CNOT10: variants seen among roughly 807,000 people sequenced by gnomAD.
The protein encoded by CNOT10 is CCR4-NOT transcription complex subunit 10.
A neutral mutation model predicts 94.6 loss-of-function variants in CNOT10; 30 were observed. That is an observed-to-expected ratio of 0.32 (90% CI 0.24 to 0.43). The LOEUF is 0.43. Ranked by LOEUF, CNOT10 falls within the 20% of genes least tolerant of loss-of-function variation. The probability of loss-of-function intolerance (pLI) is 1.00; values close to 1 mark genes in which losing one functional copy is unlikely to be tolerated. For missense variants in CNOT10, 759 were observed against 877.2 expected (o/e 0.87, Z 1.70); for synonymous variants, 289 against 301.6 (o/e 0.96, Z 0.43).
intron 1 of CNOT10, among the ~76,000 whole-genome samples, chr3:32,687,904 G>A (rs1028395993): frequency 2.6e-5 from 4 of 152,078 alleles, no homozygotes; most frequent in East Asian, 3.9e-4. Flanking sequence ...TCTCTTCTCC[G>A]TCTGGTGAAC....
chr3:32,718,837 A>C (rs548432185), intron 7 of CNOT10, among the ~76,000 whole-genome samples: 6 of 152,238 alleles, frequency 3.9e-5, no homozygotes, highest in African/African-American at 1.2e-4. Flanking sequence ...TAAATAGGCC[A>C]GGCGTGATGG....
At chr3:32,716,333 G>A (rs758457690) in intron 6 of CNOT10, 22 bp downstream of exon 6, 2 of 1,161,546 alleles carry the variant, frequency 1.7e-6, no homozygotes, top group African/African-American at 1.5e-5. Flanking sequence ...TTTAAAGGGG[G>A]GCAATACATC....
chr3:32,742,754 TTCACTCTTTC>T (rs1184433378), intron 13 of CNOT10, among the ~76,000 whole-genome samples: 11 of 152,208 alleles, frequency 7.2e-5, no homozygotes, highest in Non-Finnish European at 1.5e-4. Context: ...AAACCTTTGT[TTCACTCTTTC>T]TCATGGGTGC....
rs1701004557 is a variant in CNOT10, at chr3:32,773,612, T to C, written c.*1T>C. ...TTTCACCACTGTGCAGAGAAAGTGATACTTCACTTTTGGAAAACTGTTACC... is the reference window on the plus strand; with the variant it reads ...TTTCACCACTGTGCAGAGAAAGTGACACTTCACTTTTGGAAAACTGTTACC... On this transcript the variant is annotated 3_prime_UTR_variant, in exon 19 of 19. Transcript: ENST00000328834. The C allele has an allele frequency of 6.2e-7, 1 of 1,602,626 alleles. No homozygotes were observed. Among genetic ancestry groups the C allele is most frequent in the Non-Finnish European group, 8.5e-7 (1 of 1,175,236 alleles).
At chr3:32,702,505 T>C (rs1269536593) in intron 1 of CNOT10, among the ~76,000 whole-genome samples, 2 of 152,244 alleles carry the variant, frequency 1.3e-5, no homozygotes, top group Non-Finnish European at 2.9e-5. Flanking sequence ...TATGGACACT[T>C]AACATATTAA....
At chr3:32,695,806 G>A in intron 1 of CNOT10, 1 of 1,535,802 alleles carries the variant, frequency 6.5e-7, no homozygotes, top group South Asian at 1.2e-5. Flanking sequence ...AATGCTGTGG[G>A]ATTATGTGCA....
rs902237388 is a variant in CNOT10 at position 32,716,236 on chromosome 3, C to T, written c.585C>T (p.Asn195=). 6 of 1,583,072 alleles carry T rather than the reference C, an allele frequency of 3.8e-6. No individual in the cohort carries two copies. The highest frequency in any genetic ancestry group is 1.4e-5 in the African/African-American group (1 of 73,602). ...TCATCACCCTACAGACTGGTAATAA[C>T]AACAACAAAGATGGATCTAATCATA... ...NKNGKNETGN[N]NNKDGSNHKA... The change falls in exon 6 of 19, where the codon AAC becomes AAT. Residue 195 remains asparagine, a synonymous_variant. Coordinates refer to ENST00000328834, the MANE Select transcript of CNOT10 (RefSeq NM_015442.3).
At chr3:32,706,733 C>T (rs995111235) in intron 3 of CNOT10, among the ~76,000 whole-genome samples, 1 of 152,232 alleles carries the variant, frequency 6.6e-6, no homozygotes, top group Non-Finnish European at 1.5e-5. Context: ...CTTCTTAACT[C>T]AGTCTCTCTC....
At chr3:32,688,390 G>A (rs1052757463) in intron 1 of CNOT10, among the ~76,000 whole-genome samples, 1 of 152,026 alleles carries the variant, frequency 6.6e-6, no homozygotes, top group Non-Finnish European at 1.5e-5. Flanking sequence ...CCTGAGGTCA[G>A]GAGTTCAAAA....
intron 13 of CNOT10, among the ~76,000 whole-genome samples, chr3:32,738,404 A>C (rs1266990722): frequency 6.6e-6 from 1 of 152,098 alleles, no homozygotes; most frequent in Non-Finnish European, 1.5e-5. Context: ...TTTTCTTTGC[A>C]GGAAGATTTT....
chr3:32,706,347 A>G (rs1371268209), intron 3 of CNOT10, among the ~76,000 whole-genome samples: 1 of 152,156 alleles, frequency 6.6e-6, no homozygotes, highest in Non-Finnish European at 1.5e-5. Context: ...TGAATAAGCA[A>G]TTCCTGCAAA....
intron 10 of CNOT10, among the ~76,000 whole-genome samples, chr3:32,732,769 C>T (rs964735210): frequency 2.0e-5 from 3 of 152,036 alleles, no homozygotes; most frequent in East Asian, 3.9e-4. Flanking sequence ...GAAGGGGGAT[C>T]ATTAATCAAA....
intron 11 of CNOT10, 126 bp downstream of exon 11, chr3:32,733,670 T>C: frequency 3.3e-6 from 2 of 597,534 alleles, no homozygotes; most frequent in East Asian, 6.7e-5. Flanking sequence ...CTAGATTTTA[T>C]TGCTATTTCA....
chr3:32,727,557 G>C, intron 9 of CNOT10, 111 bp from the exon 10 acceptor site: 1 of 721,940 alleles, frequency 1.4e-6, no homozygotes, highest in Admixed American at 2.4e-5. Flanking sequence ...CTCAGATCAG[G>C]ATTATTGGTG....
chr3:32,764,506 T>C lies in CNOT10; in HGVS notation c.1876+16T>C, dbSNP rs200193370. 2.7e-5 allele frequency: 43 copies of C among 1,612,884 alleles called. No individual in the cohort carries two copies. The East Asian group carries it at 6.7e-4, about 25-fold the overall frequency. ...ATGGAATCCTGTAAGTAAGAAGTTTTGTGATACTTAAGTAGCCTGGCCTGC... is the reference window on the plus strand; with the variant it reads ...ATGGAATCCTGTAAGTAAGAAGTTTCGTGATACTTAAGTAGCCTGGCCTGC... On this transcript the variant is annotated intron_variant, in intron 16 of 18. Coordinates refer to ENST00000328834, the MANE Select transcript of CNOT10 (RefSeq NM_015442.3).
chr3:32,762,559 C>G (rs1700498782), intron 14 of CNOT10, among the ~76,000 whole-genome samples, 174 bp from the exon 15 acceptor site: 1 of 152,200 alleles, frequency 6.6e-6, no homozygotes, highest in African/African-American at 2.4e-5. Context: ...GCATGAGCCA[C>G]TACACCCAGG....
At chr3:32,755,334 T>C (rs1176026979) in intron 13 of CNOT10, among the ~76,000 whole-genome samples, 4 of 149,790 alleles carry the variant, frequency 2.7e-5, no homozygotes. Flanking sequence ...TTTTTTTTTT[T>C]TGAGACAGAG....
intron 13 of CNOT10, among the ~76,000 whole-genome samples, chr3:32,758,110 C>T (rs1700294993): frequency 6.6e-6 from 1 of 152,100 alleles, no homozygotes; most frequent in Non-Finnish European, 1.5e-5. Context: ...GGAAGAACAG[C>T]GGATTGGGAG....
chr3:32,747,116 C>G (rs529241167), intron 13 of CNOT10, among the ~76,000 whole-genome samples: 3 of 150,942 alleles, frequency 2.0e-5, no homozygotes, highest in African/African-American at 7.3e-5. Flanking sequence ...GACTCTGTCT[C>G]AAAAAAATCA....
Sources: allele counts gnomAD v4.1 joint callset (sites outside exome capture counted in the v4.1 genomes callset), GRCh38; gene constraint gnomAD v4.1.1; transcripts MANE v1.5; gene names NCBI Gene and HGNC (gene_info 2026-07-23, HGNC 2026-07-21).